The following SLC9A3 variants were observed in gnomAD, a reference collection of about 807,000 sequenced individuals.
SLC9A3 encodes the protein sodium/hydrogen exchanger 3.
A neutral mutation model predicts 86.8 loss-of-function variants in SLC9A3; 37 were observed. The ratio of observed to expected loss-of-function variants is 0.43; its 90% confidence interval spans 0.33 to 0.56. The LOEUF is 0.56. SLC9A3 is among the 20% of genes least tolerant of loss of function. SLC9A3 has a pLI of 0.06. For synonymous variants in SLC9A3, 581 were observed against 528.3 expected, an observed-to-expected ratio of 1.10 and a Z score of -1.37; for missense variants, 1,011 against 1,171.9, an observed-to-expected ratio of 0.86 and a Z score of 2.00.
intron 1 of SLC9A3, among the ~76,000 whole-genome samples, chr5:522,650 C>A (rs563414151): frequency 6.7e-6 from 1 of 149,168 alleles, no homozygotes; most frequent in South Asian, 2.1e-4. Flanking sequence ...CCCAGCTACT[C>A]GGGAGGCTGA....
Position 475,050 on chromosome 5 carries a change from C to G in SLC9A3, c.2334G>C (p.Gly778=). 1 of 1,612,318 alleles carries G rather than the reference C, an allele frequency of 6.2e-7. No homozygotes were observed. The highest frequency in any genetic ancestry group is 8.5e-7 in the Non-Finnish European group (1 of 1,179,752). ...LARLPPWLSP[G]ETVVPSQRAR... ...CCCTCTGCGAGGGGACCACCGTCTC[C>G]CCGGGAGACAGCCAGGGCGGCAGCC... Residue 778 remains glycine (G), a synonymous_variant, in exon 16 of 17, where the codon GGG becomes GGC. Transcript: ENST00000264938.
chr5:475,372 C>T (rs928242486), intron 15 of SLC9A3, 189 bp downstream of exon 15: 5 of 617,134 alleles, frequency 8.1e-6, no homozygotes, highest in Middle Eastern at 4.4e-4. Context: ...GCCCGGCCCA[C>T]GTCTCCCCGG....
Position 488,354 on chromosome 5 carries a change from C to T in SLC9A3, c.637G>A (p.Val213Ile), listed in dbSNP as rs143027124. 435 of 1,612,614 alleles carry T rather than the reference C, an allele frequency of 2.7e-4. No individual in the cohort carries two copies. Among genetic ancestry groups the T allele is most frequent in the Non-Finnish European group, 3.5e-4 (410 of 1,179,888 alleles). The change falls in exon 3 of 17, where the codon GTC becomes ATC. Residue 213 changes from valine to isoleucine, a missense_variant. Physicochemically the swap from Val to Ile is conservative, Grantham distance 29. Around this residue, in one of 3 missense-constraint regions of SLC9A3, gnomAD observed 565 missense variants for 790.0 expected, o/e 0.72. Coordinates refer to ENST00000264938, the MANE Select transcript of SLC9A3 (RefSeq NM_004174.4). ...VHVNEVLFII[V>I]FGESLLNDAV... is the part of the protein sequence containing the mutation. ...TCGTTCAGCAGCGACTCCCCGAAGA[C>T]GATGATGAACAGGACCTCGTTGACA...
chr5:475,272 C>G (rs1467856829), intron 15 of SLC9A3, 140 bp from the exon 16 acceptor site: 3 of 844,634 alleles, frequency 3.6e-6, no homozygotes. Context: ...TTTCAGGTTG[C>G]GGGCCCTTCC....
At chr5:516,544 G>C (rs1219991148) in intron 1 of SLC9A3, among the ~76,000 whole-genome samples, 1 of 152,224 alleles carries the variant, frequency 6.6e-6, no homozygotes, top group Admixed American at 6.5e-5. Context: ...TGCATCTTCC[G>C]AGGTCTGGCA....
chr5:474,438 C>CGA, intron 16 of SLC9A3, among the ~76,000 whole-genome samples: 1 of 38,838 alleles, frequency 2.6e-5, no homozygotes, highest in Non-Finnish European at 5.1e-5. Context: ...AGAGAGACAG[C>CGA]GCGCGCGAGG....
intron 3 of SLC9A3, among the ~76,000 whole-genome samples, chr5:486,562 G>A (rs962007005): frequency 2.6e-5 from 4 of 152,102 alleles, no homozygotes; most frequent in East Asian, 1.9e-4. Flanking sequence ...CCCACACACC[G>A]TCCGGGCTCT....
At position 475,002 on chromosome 5, in the gene SLC9A3, A is replaced by G. The variant is rs572360348; in HGVS notation, c.2382T>C (p.Ser794=). The part of the protein sequence containing the change: ...SQRARTQIPY[S]PGTFCRLMPF... ...GCATCAGGCGGCAGAAGGTGCCGGG[A>G]GAGTAGGGAATCTGCGTGCGGGCCC... The change falls in exon 16 of 17, where the codon TCT becomes TCC. Residue 794 remains serine, a synonymous_variant. Coordinates refer to ENST00000264938, the MANE Select transcript of SLC9A3 (RefSeq NM_004174.4). 11 of 1,612,002 alleles carry G rather than the reference A, an allele frequency of 6.8e-6. No homozygotes were observed. The African/African-American group carries it at 1.1e-4, about 16-fold the overall frequency.
rs373713101 is a variant in SLC9A3, at chr5:482,559, C to T, written c.1345G>A (p.Val449Ile). The change falls in exon 7 of 17, where the codon GTC (valine) becomes ATC (isoleucine). Residue 449 changes from valine to isoleucine, a missense_variant. By Grantham distance (29) the Val-to-Ile change is conservative. Transcript: ENST00000264938. ...STTIIVVFFT[V>I]IFQGLTIKPL... ...GGGCTGGGCCTCACCTGGAAGATGA[C>T]GGTGAAGAACACTACGATGATGGTG... The T allele has an allele frequency of 1.0e-4, 166 of 1,610,402 alleles. 1 individual carries two copies. Among genetic ancestry groups the T allele is most frequent in the South Asian group, 2.4e-4 (22 of 90,994 alleles).
intron 1 of SLC9A3, among the ~76,000 whole-genome samples, chr5:492,659 C>T (rs1579796534): frequency 1.3e-5 from 2 of 149,522 alleles, no homozygotes; most frequent in South Asian, 2.2e-4. Flanking sequence ...GGACGGTGGT[C>T]GGGGGGGGGC....
intron 1 of SLC9A3, among the ~76,000 whole-genome samples, chr5:509,473 A>AGGAG (rs571336935): frequency 1.2e-5 from 1 of 80,312 alleles, no homozygotes; most frequent in African/African-American, 4.8e-5. Flanking sequence ...GAGGGAGGGA[A>AGGAG]GGAGGGAGGG....
chr5:516,741 C>T (rs1302901874), intron 1 of SLC9A3, among the ~76,000 whole-genome samples: 2 of 152,248 alleles, frequency 1.3e-5, no homozygotes, highest in African/African-American at 4.8e-5. Context: ...GAGCCCAGAT[C>T]TGCCAAAGTG....
intron 1 of SLC9A3, among the ~76,000 whole-genome samples, chr5:502,172 C>A (rs1740307662): frequency 6.6e-6 from 1 of 152,262 alleles, no homozygotes; most frequent in Non-Finnish European, 1.5e-5. Flanking sequence ...CCACCCTGAG[C>A]AACCGCGCTG....
At position 472,041 on chromosome 5, in the gene SLC9A3, A is replaced by T. The variant is rs1277317461; in HGVS notation, c.*1338T>A. On this transcript the variant is annotated 3_prime_UTR_variant, in exon 17 of 17. Transcript: ENST00000264938. ...TTTAGAAAAGCCCCTAGGAGTGTCC[A>T]CCTCCACCACTTCCACCGTGCAGGC... 1 of 455,256 alleles carries T rather than the reference A, an allele frequency of 2.2e-6. No individual in the cohort carries two copies. Among genetic ancestry groups the T allele is most frequent in the East Asian group, 6.9e-5 (1 of 14,498 alleles). The allele number at this position is 455,256 out of a possible 1,614,324, so 28.2% of individuals were successfully genotyped here. A position where few individuals can be genotyped will look rare whatever the true frequency, so the allele number is the denominator to read the frequency against.
In SLC9A3 at chr5:483,329, G is replaced by A; in HGVS notation, c.1086C>T (p.Phe362=). The A allele has an allele frequency of 6.4e-7, 1 of 1,566,226 alleles. No individual in the cohort carries two copies. Among genetic ancestry groups the A allele is most frequent in the Non-Finnish European group, 8.6e-7 (1 of 1,156,138 alleles). The change falls in exon 6 of 17, where the codon TTC becomes TTT. Residue 362 remains phenylalanine (F), a synonymous_variant. Transcript: ENST00000264938. ...MFLGISAVNP[F]IWTWNTAFVL... is the part of the protein sequence containing the mutation. Reference sequence around the variant, plus strand: ...CGAAGGCCGTGTTCCAGGTCCAGATGAACGGGTTCACGGCCGAGATACCCA... The same window carrying A: ...CGAAGGCCGTGTTCCAGGTCCAGATAAACGGGTTCACGGCCGAGATACCCA...
chr5:475,462 C>T (rs1040965306), intron 15 of SLC9A3, 99 bp downstream of exon 15: 1 of 738,326 alleles, frequency 1.4e-6, no homozygotes, highest in Admixed American at 2.3e-5. Flanking sequence ...AGACCCCACC[C>T]CCCCAGGTCC....
Position 524,120 on chromosome 5 carries a change from G to T in SLC9A3, c.203C>A (p.Ala68Asp). 6.6e-7 allele frequency: 1 copy of T among 1,513,130 alleles called. No homozygotes were observed. The highest frequency in any genetic ancestry group is 8.9e-7 in the Non-Finnish European group (1 of 1,129,926). 93.7% of individuals were successfully genotyped at this position (1,513,130 alleles called of 1,614,324 possible). The change falls in exon 1 of 17, where the codon GCC becomes GAC. Residue 68 changes from alanine to aspartate, a missense_variant. Around this residue, in one of 3 missense-constraint regions of SLC9A3, gnomAD observed 565 missense variants for 790.0 expected, o/e 0.72. Coordinates refer to ENST00000264938, the MANE Select transcript of SLC9A3 (RefSeq NM_004174.4). ...ACCCCGGGGCCACTTACCGATCTTG[G>T]CCAAGCTGGCCACGAGGATCCAGAG... The part of the protein sequence containing the change: ...IALWILVASL[A>D]KIGFHLSHKV...
rs369798965 is a variant in SLC9A3, at chr5:477,315, T to C, written c.1760+17A>G. 1.9e-6 allele frequency: 3 copies of C among 1,550,098 alleles called. No individual in the cohort carries two copies. Among genetic ancestry groups the C allele is most frequent in the Non-Finnish European group, 2.7e-6 (3 of 1,130,330 alleles). ...TGGGCTCTTCCCCAGGGAAGCTGCA[T>C]GACCATGGCCACATACAGGAGGTAG... On this transcript the variant is annotated intron_variant, in intron 11 of 16. Transcript: ENST00000264938.
At chr5:482,180 C>A in intron 7 of SLC9A3, 23 bp from the exon 8 acceptor site, 1 of 1,577,064 alleles carries the variant, frequency 6.3e-7, no homozygotes, top group Non-Finnish European at 8.7e-7. Flanking sequence ...GTCTCGTGAC[C>A]CTGGTGCCAG....
Sources: gnomAD v4.1 joint callset for allele counts (sites outside exome capture counted in the v4.1 genomes callset) on GRCh38, gnomAD v4.1.1 for gene constraint, gnomAD v4.1.1 regional missense constraint, MANE v1.5 for transcripts, NCBI Gene and HGNC (gene_info 2026-07-23, HGNC 2026-07-21) for gene names.